FER: variants seen among roughly 807,000 people sequenced by gnomAD.
The protein encoded by FER is tyrosine-protein kinase Fer.
FER carries 63 observed loss-of-function variants against 111.0 expected under a neutral mutation model. That is an observed-to-expected ratio of 0.57 (90% confidence interval 0.46 to 0.70). The LOEUF (loss-of-function observed/expected upper bound fraction) is 0.70, where lower values mean the gene tolerates loss of function less well. FER is among the 30% of genes least tolerant of loss of function. The probability of loss-of-function intolerance (pLI) is 0.00; values close to 1 mark genes in which losing one functional copy is unlikely to be tolerated. For synonymous variants in FER, 327 were observed against 313.9 expected (o/e 1.04, Z -0.44); for missense variants, 914 against 954.0 (o/e 0.96, Z 0.55).
intron 17 of FER, among the ~76,000 whole-genome samples, chr5:109,167,404 T>C (rs1015259307): frequency 2.6e-5 from 4 of 152,168 alleles, no homozygotes; most frequent in African/African-American, 9.7e-5. Flanking sequence ...AACATACAAA[T>C]TCATCTGCAT....
At position 109,036,607 on chromosome 5, in the gene FER, A is replaced by G. The variant is rs189796764; in HGVS notation, c.1657-815A>G. Among the ~76,000 whole-genome samples, 37 of 150,820 alleles carry G rather than the reference A, an allele frequency of 2.5e-4. 2 individuals carry two copies. In the South Asian group the frequency reaches 7.6e-3, roughly 31 times the overall value. On this transcript the variant is annotated intron_variant, in intron 13 of 19. Coordinates refer to ENST00000281092, the MANE Select transcript of FER (RefSeq NM_005246.4). ...TATCAACCAGGATACTCTTCCTCCA[A>G]CTCTTCCTTCCTACTCCCCTCCTTT...
intron 17 of FER, among the ~76,000 whole-genome samples, chr5:109,153,326 TACAG>T (rs1006391694): frequency 1.3e-5 from 2 of 151,956 alleles, no homozygotes; most frequent in African/African-American, 4.8e-5. Context: ...TACATATACA[TACAG>T]AGATATTTCA....
At chr5:108,760,565 C>T (rs1258263331) in intron 1 of FER, among the ~76,000 whole-genome samples, 1 of 152,170 alleles carries the variant, frequency 6.6e-6, no homozygotes, top group East Asian at 1.9e-4. Flanking sequence ...GCAACTTGTA[C>T]ATCACCACTT....
intron 17 of FER, among the ~76,000 whole-genome samples, chr5:109,125,556 T>C (rs1489827772): frequency 6.6e-6 from 1 of 152,202 alleles, no homozygotes; most frequent in East Asian, 1.9e-4. Context: ...ACACAGTCTA[T>C]GAAATTAGGA....
chr5:109,150,929 TAA>T (rs1392713221), intron 17 of FER, among the ~76,000 whole-genome samples: 2 of 152,172 alleles, frequency 1.3e-5, no homozygotes, highest in African/African-American at 2.4e-5. Context: ...TAAATAATGT[TAA>T]GTTAATCAAA....
At chr5:108,990,974 A>T (rs1430169900) in intron 13 of FER, among the ~76,000 whole-genome samples, 1 of 151,828 alleles carries the variant, frequency 6.6e-6, no homozygotes, top group African/African-American at 2.4e-5. Context: ...GTTGAGAATT[A>T]GAATGAATAT....
At chr5:109,084,410 A>C (rs148519778) in intron 16 of FER, among the ~76,000 whole-genome samples, 1 of 151,966 alleles carries the variant, frequency 6.6e-6, no homozygotes, top group East Asian at 1.9e-4. Context: ...TCCATTGCAC[A>C]ACAGTGTGAA....
intron 13 of FER, among the ~76,000 whole-genome samples, chr5:108,962,297 T>C (rs1460284725): frequency 6.6e-6 from 1 of 152,192 alleles, no homozygotes; most frequent in East Asian, 1.9e-4. Context: ...GTTATCATCA[T>C]TCTTACATTA....
intron 2 of FER, among the ~76,000 whole-genome samples, chr5:108,770,358 C>G (rs1752768298): frequency 6.6e-6 from 1 of 152,186 alleles, no homozygotes; most frequent in Non-Finnish European, 1.5e-5. Context: ...TCTACTATCC[C>G]TTGTGCTCTT....
At chr5:109,159,138 T>G (rs962365282) in intron 17 of FER, among the ~76,000 whole-genome samples, 3 of 152,160 alleles carry the variant, frequency 2.0e-5, no homozygotes, top group Admixed American at 2.0e-4. Flanking sequence ...AAGCTACTCT[T>G]CTCCCTACCC....
chr5:108,864,722 T>C (rs575557419), intron 5 of FER, among the ~76,000 whole-genome samples: 1 of 152,352 alleles, frequency 6.6e-6, no homozygotes, highest in African/African-American at 2.4e-5. Context: ...TCTATATCTC[T>C]GTTTTGGTAC....
At chr5:108,758,794 C>T (rs547263165) in intron 1 of FER, among the ~76,000 whole-genome samples, 5 of 152,174 alleles carry the variant, frequency 3.3e-5, no homozygotes, top group Non-Finnish European at 5.9e-5. Context: ...TAGAATCACT[C>T]GAGGAAGGAG....
chr5:109,195,073 AACAC>A lies in FER; in HGVS notation c.*7501_*7504del, dbSNP rs1346118321. On this transcript the variant is annotated 3_prime_UTR_variant, in exon 20 of 20. Coordinates refer to ENST00000281092, the MANE Select transcript of FER (RefSeq NM_005246.4). ...TTTTTAAACCCAAAAGAAAGAAAGA[AACAC>A]ACCCTCTTATGTAGGAATTTCCCTT... 1 of 152,152 alleles carries A rather than the reference AACAC, an allele frequency of 6.6e-6. No individual in the cohort carries two copies. Among genetic ancestry groups the A allele is most frequent in the Admixed American group, 6.5e-5 (1 of 15,270 alleles). The allele number at this position is 152,152 out of a possible 1,614,324, so 9.4% of individuals were successfully genotyped here. A position where few individuals can be genotyped will look rare whatever the true frequency, so the allele number is the denominator to read the frequency against.
At chr5:109,010,330 T>A (rs1010384408) in intron 13 of FER, among the ~76,000 whole-genome samples, 1 of 152,108 alleles carries the variant, frequency 6.6e-6, no homozygotes, top group Non-Finnish European at 1.5e-5. Context: ...GCTAATTTTT[T>A]GTATTTTTAG....
chr5:109,119,263 T>G lies in FER; in HGVS notation c.2048+18744T>G, dbSNP rs576541388. 3.3e-5 allele frequency among the ~76,000 whole-genome samples: 5 copies of G among 152,348 alleles called. No homozygotes were observed. In the South Asian group the frequency reaches 1.0e-3, roughly 32 times the overall value. On this transcript the variant is annotated intron_variant, in intron 17 of 19. Coordinates refer to ENST00000281092, the MANE Select transcript of FER (RefSeq NM_005246.4). Reference sequence around the variant, plus strand: ...CTTTATTTCTGCCTTCATTTTGTTATGTACCCAGTAGTCATTCAGGAGCAG... The same window carrying G: ...CTTTATTTCTGCCTTCATTTTGTTAGGTACCCAGTAGTCATTCAGGAGCAG...
chr5:108,880,229 G>A (rs1231578506), intron 8 of FER, among the ~76,000 whole-genome samples: 1 of 152,144 alleles, frequency 6.6e-6, no homozygotes, highest in Non-Finnish European at 1.5e-5. Context: ...GGAAGAGAAT[G>A]AGAATAAGGG....
chr5:108,886,397 T>C (rs1747166404), intron 9 of FER, among the ~76,000 whole-genome samples: 1 of 148,636 alleles, frequency 6.7e-6, no homozygotes, highest in African/African-American at 2.4e-5. Context: ...TATTTATATA[T>C]ATATATTATA....
chr5:108,750,083 A>G (rs1369894270), intron 1 of FER, among the ~76,000 whole-genome samples: 2 of 152,228 alleles, frequency 1.3e-5, no homozygotes, highest in African/African-American at 2.4e-5. Context: ...TCACTTTGAC[A>G]TAAACTGCTG....
intron 10 of FER, among the ~76,000 whole-genome samples, chr5:108,918,739 A>G (rs963782066): frequency 7.3e-5 from 11 of 151,678 alleles, no homozygotes. Flanking sequence ...CGCCCGCCTC[A>G]GCCTCCCAAA....
Sources: allele counts gnomAD v4.1 joint callset (sites outside exome capture counted in the v4.1 genomes callset), GRCh38; gene constraint gnomAD v4.1.1; transcripts MANE v1.5; gene names NCBI Gene and HGNC (gene_info 2026-07-23, HGNC 2026-07-21).